RGS5: variants seen among roughly 807,000 people sequenced by gnomAD.
RGS5 encodes regulator of G protein signaling 5.
Under a neutral mutation model 18.9 loss-of-function variants are expected in RGS5, and 20 were observed. The observed-to-expected ratio is 1.06, with a 90% CI of 0.74 to 1.54. The LOEUF is 1.54. Ranked by LOEUF, RGS5 falls within the 40% of genes most tolerant of loss-of-function variation. The probability of loss-of-function intolerance (pLI) is 0.00; values close to 1 mark genes in which losing one functional copy is unlikely to be tolerated. For missense variants in RGS5, 201 were observed against 211.8 expected, an observed-to-expected ratio of 0.95 and a Z score of 0.32; for synonymous variants, 57 against 76.2, an observed-to-expected ratio of 0.75 and a Z score of 1.31.
chr1:163,271,722 A>C (rs1484467811), intron 2 of RGS5, among the ~76,000 whole-genome samples: 1 of 152,134 alleles, frequency 6.6e-6, no homozygotes, highest in East Asian at 1.9e-4. Flanking sequence ...TTCTAGTTTT[A>C]GCCTATTATG....
chr1:163,207,504 ATT>A (rs1659979194), upstream of RGS5, among the ~76,000 whole-genome samples: 1 of 152,078 alleles, frequency 6.6e-6, no homozygotes, highest in South Asian at 2.1e-4. Context: ...CCAGGCTTTA[ATT>A]TTTTCCAGTG....
intron 2 of RGS5, among the ~76,000 whole-genome samples, chr1:163,290,014 G>T (rs1019936571): frequency 2.6e-5 from 4 of 152,064 alleles, no homozygotes; most frequent in African/African-American, 9.7e-5. Context: ...TTTCTTTGTT[G>T]CCACATGTAC....
At chr1:163,219,576 G>A (rs565961033), upstream of RGS5, among the ~76,000 whole-genome samples, 5 of 152,224 alleles carry the variant, frequency 3.3e-5, no homozygotes, top group Admixed American at 1.3e-4. Context: ...TCTCTCATGA[G>A]TGTACAGTGG....
intron 1 of RGS5, among the ~76,000 whole-genome samples, chr1:163,188,951 CAAAAAAAAAAA>C (rs34767004): frequency 2.6e-5 from 2 of 77,632 alleles, no homozygotes; most frequent in African/African-American, 9.8e-5. Context: ...GACCCCATCT[CAAAAAAAAAAA>C]AAAAAAAAAA....
chr1:163,256,332 G>A (rs967574728), intron 2 of RGS5, among the ~76,000 whole-genome samples: 22 of 151,770 alleles, frequency 1.4e-4, no homozygotes, highest in Non-Finnish European at 3.1e-4. Flanking sequence ...CAAACAGAGA[G>A]CCAAATCATG....
chr1:163,238,559 A>T (rs2101689269), intron 2 of RGS5: 1 of 163,448 alleles, frequency 6.1e-6, no homozygotes, highest in South Asian at 1.9e-4. Flanking sequence ...TTTATGGGAC[A>T]ATTGTAGAGC....
At chr1:163,310,801 A>G (rs1363324912) in intron 1 of RGS5, among the ~76,000 whole-genome samples, 1 of 152,166 alleles carries the variant, frequency 6.6e-6, no homozygotes, top group Admixed American at 6.5e-5. Context: ...GGTAATTTAT[A>G]AAGAAAGAGG....
intron 2 of RGS5, among the ~76,000 whole-genome samples, chr1:163,283,251 A>T (rs1263873181): frequency 1.3e-5 from 2 of 152,174 alleles, no homozygotes; most frequent in Non-Finnish European, 2.9e-5. Flanking sequence ...ACTATACTTT[A>T]GTGTATGTGT....
intron 1 of RGS5, among the ~76,000 whole-genome samples, chr1:163,193,406 T>A (rs12138943): frequency 0.22 from 32,773 of 151,902 alleles, 4,074 homozygotes; most frequent in African/African-American, 0.35. Flanking sequence ...AGAACAAAAA[T>A]TCAGGTTAAG....
At chr1:163,295,639 C>T (rs1462018532) in intron 2 of RGS5, among the ~76,000 whole-genome samples, 1 of 152,220 alleles carries the variant, frequency 6.6e-6, no homozygotes, top group South Asian at 2.1e-4. Context: ...CGGTCTTCCT[C>T]TCTCTTTCCA....
chr1:163,147,501 C>T lies in RGS5; in HGVS notation c.387G>A (p.Val129=). 6.3e-7 allele frequency: 1 copy of T among 1,579,150 alleles called. No homozygotes were observed. Residue 129 remains valine (V), a splice_region_variant and synonymous_variant, in exon 5 of 5, where the codon GTG becomes GTA. Transcript: ENST00000313961. ...EFIQTEAPKE[V]NIDHFTKDIT... ...TGTCCTTAGTGAAGTGGTCAATATT[C>T]ACCTGTGGGCCAGGAAACAGGGTCA...
chr1:163,244,610 C>T (rs1032257847), intron 2 of RGS5: 4 of 152,086 alleles, frequency 2.6e-5, no homozygotes, highest in South Asian at 2.1e-4. Context: ...TTAAGGGACT[C>T]GGAAAAGACA....
Position 163,208,583 on chromosome 1 carries a change from G to A in RGS5, c.69+8943C>T, listed in dbSNP as rs146515769. On this transcript the variant is annotated intron_variant, in intron 1 of 5. Coordinates refer to the RGS5 transcript ENST00000367903. Reference sequence around the variant, plus strand: ...ACCTAACTATATTCTGTATACAAAGGACATACCTAAAACAAAGTTATTTAG... The same window carrying A: ...ACCTAACTATATTCTGTATACAAAGAACATACCTAAAACAAAGTTATTTAG... Among the ~76,000 whole-genome samples the A allele has an allele frequency of 3.1e-5, 3 of 96,704 alleles. No homozygotes were observed. The East Asian group carries it at 1.0e-3, about 33-fold the overall frequency. The allele number at this position is 96,704 out of a possible 152,430, so 63.4% of individuals were successfully genotyped here.
chr1:163,147,210 A>G lies in RGS5; in HGVS notation c.*132T>C, dbSNP rs1657165351. On this transcript the variant is annotated 3_prime_UTR_variant, in exon 5 of 5. Coordinates refer to ENST00000313961, the MANE Select transcript of RGS5 (RefSeq NM_003617.4). ...AGTGTGGGCAAAAAGAGTAAGCAAC[A>G]TCCCCTGGGATTTTTCCCATGTGGG... 1 of 923,754 alleles carries G rather than the reference A, an allele frequency of 1.1e-6. No individual in the cohort carries two copies. Among genetic ancestry groups the G allele is most frequent in the East Asian group, 3.0e-5 (1 of 33,470 alleles). The allele number at this position is 923,754 out of a possible 1,614,324, so 57.2% of individuals were successfully genotyped here.
intron 2 of RGS5, among the ~76,000 whole-genome samples, chr1:163,262,336 T>C (rs1273900019): frequency 3.3e-5 from 3 of 91,986 alleles, no homozygotes; most frequent in South Asian, 8.8e-4. Flanking sequence ...GTCCCCAGAG[T>C]GTGATATTCC....
chr1:163,152,837 C>T, intron 3 of RGS5, 121 bp from the exon 4 acceptor site: 1 of 829,434 alleles, frequency 1.2e-6, no homozygotes, highest in Non-Finnish European at 1.8e-6. Context: ...TTAGCTCATT[C>T]ATGTCTAGCT....
chr1:163,317,737 T>C (rs991525579), intron 1 of RGS5, among the ~76,000 whole-genome samples: 1 of 152,202 alleles, frequency 6.6e-6, no homozygotes, highest in African/African-American at 2.4e-5. Context: ...TCTCAGTTCC[T>C]AGACTGTGTT....
At chr1:163,157,424 A>C (rs1419479281) in intron 3 of RGS5, among the ~76,000 whole-genome samples, 1 of 152,208 alleles carries the variant, frequency 6.6e-6, no homozygotes, top group East Asian at 1.9e-4. Context: ...TGGATGATTA[A>C]AAATTATTTT....
intron 1 of RGS5, among the ~76,000 whole-genome samples, chr1:163,175,428 C>G (rs1477830089): frequency 6.6e-6 from 1 of 152,084 alleles, no homozygotes; most frequent in South Asian, 2.1e-4. Context: ...TAGGTGGCTC[C>G]GAGACAGGGT....
Sources: allele counts gnomAD v4.1 joint callset (sites outside exome capture counted in the v4.1 genomes callset), GRCh38; gene constraint gnomAD v4.1.1; transcripts MANE v1.5; gene names NCBI Gene and HGNC (gene_info 2026-07-23, HGNC 2026-07-21).